GRM7: variants seen among roughly 807,000 people sequenced by gnomAD.
GRM7 encodes glutamate metabotropic receptor 7.
In GRM7, 35 loss-of-function variants were observed where a neutral mutation model predicts 84.5. The ratio of observed to expected loss-of-function variants is 0.41; its 90% CI spans 0.32 to 0.55. The LOEUF (loss-of-function observed/expected upper bound fraction) is 0.55. Among genes scored for constraint, GRM7 ranks in the 20% least tolerant of loss-of-function variants. The probability of loss-of-function intolerance (pLI) is 0.19; values close to 1 mark genes in which losing one functional copy is unlikely to be tolerated. For missense variants in GRM7, 1,003 were observed against 1,194.6 expected (o/e 0.84, Z 2.36); for synonymous variants, 487 against 455.1 (o/e 1.07, Z -0.89).
chr3:6,953,664 A>G (rs970603131), intron 1 of GRM7, among the ~76,000 whole-genome samples: 1 of 152,218 alleles, frequency 6.6e-6, no homozygotes, highest in East Asian at 1.9e-4. Flanking sequence ...CACACATCAC[A>G]TCTCACCAGG....
At chr3:7,281,324 T>C (rs544709961) in intron 2 of GRM7, among the ~76,000 whole-genome samples, 1 of 152,340 alleles carries the variant, frequency 6.6e-6, no homozygotes, top group African/African-American at 2.4e-5. Flanking sequence ...ACTTTGTGAT[T>C]ACATTGAGAA....
Position 7,428,998 on chromosome 3 carries a change from A to G in GRM7, c.1174+13835A>G, listed in dbSNP as rs189345590. 1.3e-3 allele frequency among the ~76,000 whole-genome samples: 191 copies of G among 152,260 alleles called. 1 individual carries two copies. Among genetic ancestry groups the G allele is most frequent in the African/African-American group, 4.5e-3 (187 of 41,556 alleles). On this transcript the variant is annotated intron_variant, in intron 5 of 9. Transcript: ENST00000357716. ...CTCTTGCTTCTTCTTTTTGAGGGGA[A>G]TTGCTTTCTTGGGATGCATTTCTAG...
chr3:7,592,259 A>T (rs79227010), intron 8 of GRM7, among the ~76,000 whole-genome samples: 3,881 of 147,516 alleles, frequency 0.026, 126 homozygotes, highest in East Asian at 0.096. Flanking sequence ...TGGCAAATAT[A>T]AAAAAAAAAG....
chr3:7,536,957 A>G (rs938100146), intron 7 of GRM7, among the ~76,000 whole-genome samples: 1 of 152,190 alleles, frequency 6.6e-6, no homozygotes, highest in Non-Finnish European at 1.5e-5. Context: ...TAACTCATAC[A>G]TGGTGTTAAC....
At position 7,306,606 on chromosome 3, in the gene GRM7, C is replaced by T. The variant is rs373414573; in HGVS notation, c.987C>T (p.Ile329=). The T allele has an allele frequency of 3.1e-5, 50 of 1,612,848 alleles. No individual in the cohort carries two copies. In the African/African-American group the frequency reaches 5.5e-4, roughly 18 times the overall value. Residue 329 remains isoleucine, a synonymous_variant, in exon 4 of 10, where the codon ATC becomes ATT. Transcript: ENST00000357716. ...ACCCACTGCACCAGCATGAAGATATCGCAGAAGGGGCCATCACCATTCAGC... is the reference window on the plus strand; with the variant it reads ...ACCCACTGCACCAGCATGAAGATATTGCAGAAGGGGCCATCACCATTCAGC... ...KINPLHQHED[I]AEGAITIQPK...
rs1694275908 is a variant in GRM7 at position 7,151,145 on chromosome 3, T to C, written c.736+4477T>C. ...TTTATTTTTAATTAATACTTTATCA[T>C]AGCCTAGCATATTTTTTTCCTAAAA... is the stretch of plus-strand genomic sequence containing the variant. On this transcript the variant is annotated intron_variant, in intron 2 of 9. Transcript: ENST00000357716. This position sits in a 1 kb window ranked among gnomAD's most constrained non-coding sequence, Gnocchi z 4.5. Among the ~76,000 whole-genome samples, 3 of 113,566 alleles carry C rather than the reference T, an allele frequency of 2.6e-5. No individual in the cohort carries two copies. The highest frequency in any genetic ancestry group is 2.3e-4 in the Admixed American group (3 of 12,804). 74.5% of individuals were successfully genotyped at this position (113,566 alleles called of 152,430 possible).
chr3:7,261,382 TAA>T (rs540154321), intron 2 of GRM7, among the ~76,000 whole-genome samples: 33 of 152,236 alleles, frequency 2.2e-4, no homozygotes, highest in Non-Finnish European at 3.8e-4. Flanking sequence ...GTGGTTTGTT[TAA>T]AGTCTGTTTT....
chr3:6,893,353 C>T (rs1457027767), intron 1 of GRM7, among the ~76,000 whole-genome samples: 1 of 152,098 alleles, frequency 6.6e-6, no homozygotes, highest in African/African-American at 2.4e-5. Flanking sequence ...AAGTAAATTA[C>T]TTTAAAGTAT....
intron 5 of GRM7, among the ~76,000 whole-genome samples, chr3:7,447,924 G>A (rs6789508): frequency 0.38 from 41,640 of 110,202 alleles, 8,263 homozygotes; most frequent in Non-Finnish European, 0.47. Context: ...AACAGTCCCC[G>A]GAATGTGATG....
intron 8 of GRM7, among the ~76,000 whole-genome samples, chr3:7,677,997 C>A (rs1328241508): frequency 6.6e-6 from 1 of 152,114 alleles, no homozygotes; most frequent in Non-Finnish European, 1.5e-5. Flanking sequence ...AAATCAAATA[C>A]CTCATGTTCT....
At chr3:7,217,441 G>A (rs1696652945) in intron 2 of GRM7, among the ~76,000 whole-genome samples, 1 of 152,026 alleles carries the variant, frequency 6.6e-6, no homozygotes, top group Non-Finnish European at 1.5e-5. Context: ...AACAGAAATG[G>A]TTATCCAAAC....
intron 4 of GRM7, among the ~76,000 whole-genome samples, chr3:7,381,026 G>T (rs1424298996): frequency 2.0e-5 from 3 of 152,084 alleles, no homozygotes. Flanking sequence ...ATGGGGTGGA[G>T]GAAGTCAAAT....
chr3:7,448,074 T>C (rs1462578254), intron 5 of GRM7, among the ~76,000 whole-genome samples: 2 of 151,900 alleles, frequency 1.3e-5, no homozygotes, highest in Non-Finnish European at 2.9e-5. Context: ...ACAAAGGACA[T>C]GAACTCATCA....
chr3:6,887,782 T>C (rs1695760165), intron 1 of GRM7, among the ~76,000 whole-genome samples: 1 of 152,160 alleles, frequency 6.6e-6, no homozygotes, highest in Non-Finnish European at 1.5e-5. Flanking sequence ...TATTTCTAGT[T>C]CTAGATCCTT....
At chr3:6,892,534 A>G (rs777182373) in intron 1 of GRM7, 2 of 152,134 alleles carry the variant, frequency 1.3e-5, no homozygotes, top group African/African-American at 2.4e-5. Flanking sequence ...ATCCACCTAC[A>G]TATCCAGGAA....
At chr3:7,579,458 G>A (rs1178457886) in intron 8 of GRM7, 101 bp downstream of exon 8, 9 of 675,228 alleles carry the variant, frequency 1.3e-5, no homozygotes, top group Non-Finnish European at 2.2e-5. Context: ...TTTCGTATAT[G>A]CAGAATGGTA....
intron 2 of GRM7, among the ~76,000 whole-genome samples, chr3:7,251,796 G>C (rs1400040093): frequency 6.6e-6 from 1 of 152,074 alleles, no homozygotes; most frequent in Non-Finnish European, 1.5e-5. Flanking sequence ...ATGTTCTCTG[G>C]CAACTGGGAT....
chr3:6,993,985 T>G (rs1367893527), intron 1 of GRM7, among the ~76,000 whole-genome samples: 1 of 152,166 alleles, frequency 6.6e-6, no homozygotes, highest in Admixed American at 6.5e-5. Flanking sequence ...AGATCATAGT[T>G]GCCTAAAAGA....
chr3:7,028,880 C>T (rs553753652), intron 1 of GRM7, among the ~76,000 whole-genome samples: 1 of 152,288 alleles, frequency 6.6e-6, no homozygotes, highest in Non-Finnish European at 1.5e-5. Flanking sequence ...TAGAAAACAG[C>T]TTGACAGTTC....
Sources: gnomAD v4.1 joint callset for allele counts (sites outside exome capture counted in the v4.1 genomes callset) on GRCh38, gnomAD v4.1.1 for gene constraint, Gnocchi (gnomAD v3.1) non-coding constraint, MANE v1.5 for transcripts, NCBI Gene and HGNC (gene_info 2026-07-23, HGNC 2026-07-21) for gene names.